The following RAB40A variants were observed in gnomAD, a reference collection of about 807,000 sequenced individuals.
The protein encoded by RAB40A is ras-related protein Rab-40A.
For missense variants in RAB40A, 145 were observed against 230.2 expected, an observed-to-expected ratio of 0.63 and a Z score of 2.40; for synonymous variants, 65 against 99.9, an observed-to-expected ratio of 0.65 and a Z score of 2.08.
In RAB40A at chrX:103,500,460, G is replaced by A; in HGVS notation, c.297C>T (p.Arg99=). The A allele has an allele frequency of 2.5e-6, 3 of 1,210,851 alleles. No individual in the cohort carries two copies. Among genetic ancestry groups the A allele is most frequent in the Non-Finnish European group, 3.4e-6 (3 of 894,998 alleles). ...GVILVYDIAN[R]WSFEGMDRWI... ...ATCGATCCATACCCTCGAAAGACCAGCGGTTTGCAATGTCGTAGACCAGGA... is the reference window on the plus strand; with the variant it reads ...ATCGATCCATACCCTCGAAAGACCAACGGTTTGCAATGTCGTAGACCAGGA... Residue 99 remains arginine, a synonymous_variant, in exon 3 of 3, where the codon CGC becomes CGT. Transcript: ENST00000304236.
At chrX:103,512,774 T>A (rs1048016182) in intron 2 of RAB40A, among the ~76,000 whole-genome samples, 3 of 111,913 alleles carry the variant, frequency 2.7e-5, no homozygotes, top group Admixed American at 9.5e-5. Flanking sequence ...TATAATTACA[T>A]TTGCATAATA....
At chrX:103,508,424 T>C (rs1277807700) in intron 2 of RAB40A, among the ~76,000 whole-genome samples, 1 of 111,880 alleles carries the variant, frequency 8.9e-6, no homozygotes, top group African/African-American at 3.3e-5. Flanking sequence ...GGACTGACCA[T>C]ACCATTCTTA....
chrX:103,498,872 G>A (rs182621177), downstream of RAB40A, among the ~76,000 whole-genome samples: 14 of 112,266 alleles, frequency 1.2e-4, no homozygotes, highest in African/African-American at 3.9e-4. Context: ...AAGTAACTAC[G>A]TGGAAACCAC....
chrX:103,498,620 A>G (rs1603126130), downstream of RAB40A, among the ~76,000 whole-genome samples: 1 of 111,883 alleles, frequency 8.9e-6, no homozygotes, highest in East Asian at 2.8e-4. Flanking sequence ...TAGAGATTAT[A>G]TCCTCTACCT....
Position 103,499,711 on chromosome X carries a change from CAA to C in RAB40A, c.*210_*211del. 4.2e-6 allele frequency: 2 copies of C among 474,824 alleles called. No individual in the cohort carries two copies. Among genetic ancestry groups the C allele is most frequent in the South Asian group, 6.7e-5 (2 of 29,995 alleles). 39.1% of individuals were successfully genotyped at this position (474,824 alleles called of 1,213,427 possible). A position where few individuals can be genotyped will look rare whatever the true frequency, so the allele number is the denominator to read the frequency against. On this transcript the variant is annotated 3_prime_UTR_variant, in exon 3 of 3. Transcript: ENST00000304236. ...CCCCTTTATAAACACACGTTTAAAA[CAA>C]GAGCTTCATGCACATCCAAATAGAA...
At chrX:103,509,893 C>T (rs1477010010) in intron 2 of RAB40A, among the ~76,000 whole-genome samples, 1 of 109,109 alleles carries the variant, frequency 9.2e-6, no homozygotes, top group Admixed American at 9.8e-5. Flanking sequence ...GCAACTTCCA[C>T]CTCCCGGGTT....
At chrX:103,509,289 ATCTCTCTCTCTCTC>A (rs373450734) in intron 2 of RAB40A, among the ~76,000 whole-genome samples, 4 of 86,091 alleles carry the variant, frequency 4.6e-5, no homozygotes, top group African/African-American at 1.3e-4. Context: ...CAGCCACAGG[ATCTCTCTCTCTCTC>A]TCTCTCTCTC....
At chrX:103,511,048 C>G (rs888666630) in intron 2 of RAB40A, among the ~76,000 whole-genome samples, 4 of 111,990 alleles carry the variant, frequency 3.6e-5, no homozygotes, top group African/African-American at 6.5e-5. Context: ...TGAATGTGAC[C>G]TTATTTTAAA....
rs1245494208 is a variant in RAB40A, at chrX:103,500,161, G to T, written c.596C>A (p.Thr199Asn). Residue 199 changes from threonine (T) to asparagine (N), a missense_variant, in exon 3 of 3, where the codon ACC (threonine) becomes AAC (asparagine). Coordinates refer to ENST00000304236, the MANE Select transcript of RAB40A (RefSeq NM_080879.3). ...ATGCACAGGTGTGCAGGACACGATG[G>T]TGCGGCAGCAGAGGTCTTGCAAGCT... ...VLSLQDLCCR[T>N]IVSCTPVHLV... 1 of 1,212,054 alleles carries T rather than the reference G, an allele frequency of 8.3e-7. No homozygotes were observed. Among genetic ancestry groups the T allele is most frequent in the Non-Finnish European group, 1.1e-6 (1 of 895,558 alleles).
At chrX:103,502,988 A>G (rs775865947) in intron 2 of RAB40A, 52 of 760,956 alleles carry the variant, frequency 6.8e-5, no homozygotes, top group Non-Finnish European at 8.0e-5. Context: ...CATTGTTTCT[A>G]CTAATGAGAA....
At chrX:103,511,030 G>A (rs2073286334) in intron 2 of RAB40A, among the ~76,000 whole-genome samples, 1 of 112,147 alleles carries the variant, frequency 8.9e-6, no homozygotes, top group South Asian at 3.7e-4. Context: ...ACTAACCCCA[G>A]ATACCTTTGA....
intron 2 of RAB40A, among the ~76,000 whole-genome samples, chrX:103,505,454 C>G (rs1407612667): frequency 8.9e-6 from 1 of 112,081 alleles, no homozygotes; most frequent in Non-Finnish European, 1.9e-5. Context: ...CACCAATTTA[C>G]TTTCAGTAAT....
chrX:103,502,618 T>TG (rs2073234426), intron 2 of RAB40A: 3 of 516,031 alleles, frequency 5.8e-6, no homozygotes, highest in Non-Finnish European at 7.3e-6. Context: ...GGTTGTGGAG[T>TG]GGGGGACCCA....
At position 103,515,724 on chromosome X, in the gene RAB40A, C is replaced by G. The variant is rs138527980; in HGVS notation, c.-71+1650G>C. Among the ~76,000 whole-genome samples the G allele has an allele frequency of 2.1e-4, 24 of 112,007 alleles. No individual in the cohort carries two copies. In the East Asian group the frequency reaches 6.4e-3, roughly 30 times the overall value. On this transcript the variant is annotated intron_variant, in intron 2 of 2. Coordinates refer to ENST00000304236, the MANE Select transcript of RAB40A (RefSeq NM_080879.3). ...ATAGCACAGAGATGGCACCTAACCTCCTACATAATATAGATGAGTGTGTGT... is the reference window on the plus strand; with the variant it reads ...ATAGCACAGAGATGGCACCTAACCTGCTACATAATATAGATGAGTGTGTGT...
At chrX:103,513,715 A>G (rs2073302787) in intron 2 of RAB40A, among the ~76,000 whole-genome samples, 1 of 110,615 alleles carries the variant, frequency 9.0e-6, no homozygotes, top group Non-Finnish European at 1.9e-5. Context: ...TGCCTGGACA[A>G]TGGGAAGATA....
At chrX:103,505,821 G>A (rs1414112370) in intron 2 of RAB40A, among the ~76,000 whole-genome samples, 2 of 111,191 alleles carry the variant, frequency 1.8e-5, no homozygotes, top group Non-Finnish European at 3.8e-5. Flanking sequence ...TTTGTCTAGT[G>A]ATTATTTGCC....
chrX:103,501,842 A>AGAT (rs1491257780), intron 2 of RAB40A: 1 of 123,609 alleles, frequency 8.1e-6, no homozygotes, highest in African/African-American at 3.2e-5. Context: ...CAAAAGAAAA[A>AGAT]GATGCAAAAG....
intron 2 of RAB40A, chrX:103,503,498 C>T (rs1462109853): frequency 5.3e-6 from 4 of 748,921 alleles, no homozygotes; most frequent in African/African-American, 2.4e-5. Flanking sequence ...GCCAATGGAC[C>T]AGCTTTAATA....
intron 2 of RAB40A, among the ~76,000 whole-genome samples, chrX:103,510,236 C>G (rs1224256927): frequency 8.9e-6 from 1 of 112,162 alleles, no homozygotes; most frequent in South Asian, 3.7e-4. Flanking sequence ...TTGTCCCACT[C>G]CCTAACTGTG....
Sources: gnomAD v4.1 joint callset for allele counts (sites outside exome capture counted in the v4.1 genomes callset) on GRCh38, gnomAD v4.1.1 for gene constraint, MANE v1.5 for transcripts, NCBI Gene and HGNC (gene_info 2026-07-23, HGNC 2026-07-21) for gene names.